ANKAR: variants seen among roughly 807,000 people sequenced by gnomAD.
ANKAR encodes ankyrin and armadillo repeat-containing protein.
ANKAR carries 136 observed loss-of-function variants against 146.2 expected under a neutral mutation model. That is an observed-to-expected ratio of 0.93 (90% CI 0.81 to 1.07). The LOEUF (loss-of-function observed/expected upper bound fraction) is 1.07, where lower values mean the gene tolerates loss of function less well. Among genes scored for constraint, ANKAR ranks in the 50% least tolerant of loss-of-function variants. ANKAR has a pLI of 0.00. For missense variants in ANKAR, 1,567 were observed against 1,679.9 expected, an observed-to-expected ratio of 0.93 and a Z score of 1.18; for synonymous variants, 500 against 575.8, an observed-to-expected ratio of 0.87 and a Z score of 1.88.
chr2:189,715,109 T>C (rs1416634062), intron 10 of ANKAR, among the ~76,000 whole-genome samples: 1 of 151,666 alleles, frequency 6.6e-6, no homozygotes, highest in African/African-American at 2.4e-5. Flanking sequence ...CTGAAGGAGA[T>C]AGAGACACAA....
chr2:189,748,859 A>G (rs1441786867), downstream of ANKAR, among the ~76,000 whole-genome samples: 1 of 152,198 alleles, frequency 6.6e-6, no homozygotes, highest in Non-Finnish European at 1.5e-5. Context: ...CTTTGCATTC[A>G]ATGCCAGATA....
Position 189,689,768 on chromosome 2 carries a change from T to A in ANKAR, c.843T>A (p.Asp281Glu), listed in dbSNP as rs755592530. ...NAIKYNQDYL[D>E]ICTYQRLQQR... The stretch of plus-strand genomic sequence containing the variant: ...TAAAATATAATCAGGATTATCTTGA[T>A]ATCTGTACCTACCAGAGACTACAGC... Residue 281 changes from aspartate to glutamate, a missense_variant, in exon 3 of 23, where the codon GAT becomes GAA. By Grantham distance (45) the Asp-to-Glu change is conservative (BLOSUM62 2). Transcript: ENST00000684021. 42 of 1,612,258 alleles carry A rather than the reference T, an allele frequency of 2.6e-5. No individual in the cohort carries two copies. Among genetic ancestry groups the A allele is most frequent in the Non-Finnish European group, 3.2e-5 (38 of 1,178,948 alleles).
intron 3 of ANKAR, 39 bp from the exon 4 acceptor site, chr2:189,692,216 G>A (rs778154571): frequency 5.2e-6 from 8 of 1,544,344 alleles, no homozygotes; most frequent in African/African-American, 4.1e-5. Context: ...TTTATGTGCT[G>A]TTCACTTTTT....
rs746439626 is a variant in ANKAR, at chr2:189,689,625, G to T, written c.700G>T (p.Ala234Ser). ...TYDPNSPEET[A>S]VFMKYAENIM... The stretch of plus-strand genomic sequence containing the variant: ...TGATCCCAACAGCCCTGAAGAAACA[G>T]CTGTATTTATGAAATATGCTGAAAA... Residue 234 changes from alanine to serine, a missense_variant, in exon 3 of 23, where the codon GCT becomes TCT. Transcript: ENST00000684021. 1 of 1,613,664 alleles carries T rather than the reference G, an allele frequency of 6.2e-7. No individual in the cohort carries two copies. The highest frequency in any genetic ancestry group is 8.5e-7 in the Non-Finnish European group (1 of 1,179,782).
intron 18 of ANKAR, 136 bp from the exon 19 acceptor site, chr2:189,738,429 T>G: frequency 3.5e-6 from 2 of 576,270 alleles, no homozygotes; most frequent in Non-Finnish European, 6.1e-6. Context: ...ACATGCTGCT[T>G]CTATTGAATC....
Position 189,689,496 on chromosome 2 carries a change from C to G in ANKAR, c.602-31C>G, listed in dbSNP as rs191951749. 2.5e-3 allele frequency: 3,706 copies of G among 1,498,426 alleles called. 7 individuals are homozygous for G. The highest frequency in any genetic ancestry group is 2.7e-3 in the Non-Finnish European group (2,974 of 1,117,490). 92.8% of individuals were successfully genotyped at this position (1,498,426 alleles called of 1,614,324 possible). A position where few individuals can be genotyped will look rare whatever the true frequency, so the allele number is the denominator to read the frequency against. ...CCAGAAGCCAAATATGAAATTTTCA[C>G]TATCTAAAATTTTCCTTTTTTATCA... is the stretch of plus-strand genomic sequence containing the variant. On this transcript the variant is annotated intron_variant, in intron 2 of 22. Coordinates refer to ENST00000684021, the MANE Select transcript of ANKAR (RefSeq NM_001378068.1).
downstream of ANKAR, among the ~76,000 whole-genome samples, chr2:189,748,955 T>A (rs114745029): frequency 0.016 from 2,478 of 152,244 alleles, 66 homozygotes; most frequent in African/African-American, 0.056. Context: ...CTATAAAGAT[T>A]ATTTTTATTG....
In ANKAR at chr2:189,704,786, A is replaced by G. The variant is rs141558432; in HGVS notation, c.1709-237A>G. 5.3e-5 allele frequency among the ~76,000 whole-genome samples: 8 copies of G among 151,390 alleles called. No homozygotes were observed. The East Asian group carries it at 1.4e-3, about 26-fold the overall frequency. ...CATTTTTCTTTGCTTATAAAAAAAT[A>G]TGGATTTTTAAAAATTTTTGTTTTT... is the stretch of plus-strand genomic sequence containing the variant. On this transcript the variant is annotated intron_variant, in intron 7 of 22. Transcript: ENST00000684021.
At chr2:189,709,052 G>GATCGTGC (rs2039339246) in intron 9 of ANKAR, among the ~76,000 whole-genome samples, 1 of 152,048 alleles carries the variant, frequency 6.6e-6, no homozygotes, top group Non-Finnish European at 1.5e-5. Context: ...AGTGAACCGA[G>GATCGTGC]ATCGTGCCAC....
chr2:189,689,505 A>G (rs2036105381), intron 2 of ANKAR, 22 bp from the exon 3 acceptor site: 7 of 1,529,144 alleles, frequency 4.6e-6, no homozygotes, highest in Admixed American at 2.2e-5. Flanking sequence ...ACTATCTAAA[A>G]TTTTCCTTTT....
At chr2:189,690,733 T>G (rs1332179864) in intron 3 of ANKAR, among the ~76,000 whole-genome samples, 3 of 152,182 alleles carry the variant, frequency 2.0e-5, no homozygotes, top group Non-Finnish European at 4.4e-5. Flanking sequence ...GAGAATTCAG[T>G]ATCTGTGAAC....
At position 189,734,484 on chromosome 2, in the gene ANKAR, C is replaced by T. The variant is rs78887890; in HGVS notation, c.3423+1255C>T. On this transcript the variant is annotated intron_variant, in intron 17 of 22. Coordinates refer to ENST00000684021, the MANE Select transcript of ANKAR (RefSeq NM_001378068.1). ...GATTTTGTGGACTGTCACTGGTCCA[C>T]GGGCCACACTTTCAACAGCACTACC... Among the ~76,000 whole-genome samples, 914 of 152,200 alleles carry T rather than the reference C, an allele frequency of 6.0e-3. 8 individuals carry two copies. Among genetic ancestry groups the T allele is most frequent in the Non-Finnish European group, 9.4e-3 (642 of 68,016 alleles).
At position 189,676,993 on chromosome 2, in the gene ANKAR, G is replaced by C. The variant is rs1280953930; in HGVS notation, c.503G>C (p.Arg168Pro). Reference sequence around the variant, plus strand: ...GGAATATATATGCCCAAAGAAAAACGAGCTAGATTCTCTGAATTGTGGCGT... The same window carrying C: ...GGAATATATATGCCCAAAGAAAAACCAGCTAGATTCTCTGAATTGTGGCGT... ...WHGIYMPKEK[R>P]ARFSELWRAI... Residue 168 changes from arginine (R) to proline (P), a missense_variant, in exon 2 of 23, where the codon CGA becomes CCA. Arg to Pro is a moderately radical substitution (Grantham distance 103, BLOSUM62 -2). Coordinates refer to ENST00000684021, the MANE Select transcript of ANKAR (RefSeq NM_001378068.1). The C allele has an allele frequency of 6.2e-7, 1 of 1,613,522 alleles. No individual in the cohort carries two copies. Among genetic ancestry groups the C allele is most frequent in the Non-Finnish European group, 8.5e-7 (1 of 1,179,976 alleles).
chr2:189,730,077 G>A (rs182019871), intron 15 of ANKAR, among the ~76,000 whole-genome samples: 29 of 152,032 alleles, frequency 1.9e-4, no homozygotes, highest in Non-Finnish European at 2.9e-4. Context: ...TCTTGTTAGC[G>A]TGTATAATTT....
chr2:189,762,462 C>A (rs769716396), downstream of ANKAR: 31 of 509,108 alleles, frequency 6.1e-5, no homozygotes, highest in Non-Finnish European at 7.1e-5. Flanking sequence ...GCAGCCCAGA[C>A]AGACACAACC....
chr2:189,685,428 C>T (rs565583501), intron 2 of ANKAR, among the ~76,000 whole-genome samples: 7 of 152,002 alleles, frequency 4.6e-5, no homozygotes, highest in African/African-American at 1.7e-4. Context: ...TCCATTTTTT[C>T]CTTAGAGATG....
chr2:189,685,456 A>G (rs1287465446), intron 2 of ANKAR, among the ~76,000 whole-genome samples: 1 of 152,050 alleles, frequency 6.6e-6, no homozygotes, highest in Non-Finnish European at 1.5e-5. Flanking sequence ...TGATAACTTC[A>G]TCCTCTTCCT....
At position 189,744,807 on chromosome 2, in the gene ANKAR, A is replaced by G; in HGVS notation, c.4057+19A>G. The G allele has an allele frequency of 6.5e-7, 1 of 1,537,010 alleles. No individual in the cohort carries two copies. The highest frequency in any genetic ancestry group is 9.0e-7 in the Non-Finnish European group (1 of 1,113,840). ...AAAAGAGGTAATTGATTTTTCTTTT[A>G]TCTATGAAGTACCTTCTAGCCCAGA... On this transcript the variant is annotated intron_variant, in intron 22 of 22. Transcript: ENST00000684021.
intron 2 of ANKAR, among the ~76,000 whole-genome samples, chr2:189,683,836 C>T (rs935608033): frequency 6.6e-6 from 1 of 152,218 alleles, no homozygotes; most frequent in Non-Finnish European, 1.5e-5. Flanking sequence ...AGGAATTGTG[C>T]AGAAAGCCAA....
Sources: gnomAD v4.1 joint callset for allele counts (sites outside exome capture counted in the v4.1 genomes callset) on GRCh38, gnomAD v4.1.1 for gene constraint, MANE v1.5 for transcripts, NCBI Gene and HGNC (gene_info 2026-07-23, HGNC 2026-07-21) for gene names.